Variants in ZFPM2 observed in about 807,000 individuals in gnomAD.
The protein encoded by ZFPM2 is zinc finger protein ZFPM2.
ZFPM2 carries 20 observed loss-of-function variants against 98.6 expected under a neutral mutation model. The ratio of observed to expected loss-of-function variants is 0.20; its 90% CI spans 0.14 to 0.29. The LOEUF is 0.29. ZFPM2 is among the 10% of genes least tolerant of loss of function. The pLI is 1.00. For missense variants in ZFPM2, 1,310 were observed against 1,388.6 expected (o/e 0.94, Z 0.90); for synonymous variants, 518 against 502.7 (o/e 1.03, Z -0.41).
intron 3 of ZFPM2, among the ~76,000 whole-genome samples, chr8:105,539,108 T>G (rs1814522702): frequency 6.6e-6 from 1 of 152,170 alleles, no homozygotes; most frequent in Admixed American, 6.6e-5. Flanking sequence ...TTGCCCCTTT[T>G]GTTTCAGAAG....
At chr8:105,393,330 C>CTGTCTGTCTTTT (rs1245789213) in intron 1 of ZFPM2, among the ~76,000 whole-genome samples, 5 of 132,834 alleles carry the variant, frequency 3.8e-5, no homozygotes, top group African/African-American at 1.5e-4. Context: ...CCCTCTCTCT[C>CTGTCTGTCTTTT]TCTTTGCCTT....
At chr8:105,321,610 C>A (rs1250871379) in intron 1 of ZFPM2, among the ~76,000 whole-genome samples, 1 of 150,726 alleles carries the variant, frequency 6.6e-6, no homozygotes, top group Admixed American at 6.6e-5. Context: ...TTTTTTTTTT[C>A]TTTTACTGCA....
At chr8:105,378,725 G>A (rs1810781481) in intron 1 of ZFPM2, among the ~76,000 whole-genome samples, 2 of 152,066 alleles carry the variant, frequency 1.3e-5, no homozygotes. Context: ...TACCGTGTAT[G>A]TTTTTAGGTT....
At chr8:105,400,640 A>C (rs529291902) in intron 1 of ZFPM2, among the ~76,000 whole-genome samples, 1 of 152,316 alleles carries the variant, frequency 6.6e-6, no homozygotes, top group East Asian at 1.9e-4. Context: ...CTTGGAATAT[A>C]TGCACTTTTG....
chr8:105,715,397 C>T (rs1811500266), intron 5 of ZFPM2, among the ~76,000 whole-genome samples: 1 of 138,220 alleles, frequency 7.2e-6, no homozygotes, highest in African/African-American at 2.7e-5. Flanking sequence ...TAGAGTGAGA[C>T]CCCATCTCTT....
intron 1 of ZFPM2, among the ~76,000 whole-genome samples, chr8:105,330,553 C>CGT (rs1554594961): frequency 7.6e-5 from 7 of 92,438 alleles, no homozygotes; most frequent in Admixed American, 1.3e-4. Context: ...TATATATATA[C>CGT]ATATATATAT....
chr8:105,525,648 G>A (rs556079938), intron 3 of ZFPM2, among the ~76,000 whole-genome samples: 96 of 152,238 alleles, frequency 6.3e-4, no homozygotes, highest in Non-Finnish European at 1.1e-3. Context: ...CATGTCCTCC[G>A]TAAGATTAAA....
chr8:105,676,448 T>A (rs1244319711), intron 5 of ZFPM2, among the ~76,000 whole-genome samples: 1 of 152,144 alleles, frequency 6.6e-6, no homozygotes, highest in Non-Finnish European at 1.5e-5. Flanking sequence ...AAAACTTCAG[T>A]TTTATTTAAA....
intron 3 of ZFPM2, among the ~76,000 whole-genome samples, chr8:105,449,050 T>C (rs969983546): frequency 2.6e-5 from 4 of 152,050 alleles, no homozygotes; most frequent in African/African-American, 7.2e-5. Flanking sequence ...AAATCTGTCA[T>C]CTACCTTTAT....
At chr8:105,516,583 C>G (rs1429617107) in intron 3 of ZFPM2, among the ~76,000 whole-genome samples, 2 of 152,120 alleles carry the variant, frequency 1.3e-5, no homozygotes, top group African/African-American at 4.8e-5. Flanking sequence ...AGGAAAAACA[C>G]ATTTCTGATG....
At chr8:105,584,551 C>G (rs1418610783) in intron 4 of ZFPM2, among the ~76,000 whole-genome samples, 3 of 152,182 alleles carry the variant, frequency 2.0e-5, no homozygotes, top group South Asian at 2.1e-4. Context: ...TCCCAACCCT[C>G]TATCTCCTAG....
chr8:105,782,633 T>C (rs1813283394), intron 5 of ZFPM2: 1 of 152,214 alleles, frequency 6.6e-6, no homozygotes, highest in Admixed American at 6.5e-5. Flanking sequence ...CTCAAGTACC[T>C]GATATAAAAC....
chr8:105,755,274 G>T (rs10098615), intron 5 of ZFPM2, among the ~76,000 whole-genome samples: 23,254 of 152,006 alleles, frequency 0.15, 2,913 homozygotes, highest in African/African-American at 0.34. Context: ...TCACCCTTAT[G>T]CAAGGAGAAT....
chr8:105,654,580 T>A (rs1422147999), intron 5 of ZFPM2, among the ~76,000 whole-genome samples: 1 of 152,158 alleles, frequency 6.6e-6, no homozygotes, highest in Non-Finnish European at 1.5e-5. Context: ...CTATCCTTTT[T>A]TTTTTTAAAA....
chr8:105,346,890 G>A (rs976143926), intron 1 of ZFPM2, among the ~76,000 whole-genome samples: 3 of 152,096 alleles, frequency 2.0e-5, no homozygotes, highest in African/African-American at 7.2e-5. Flanking sequence ...AATAGCTCTG[G>A]CACATTAGCA....
intron 1 of ZFPM2, among the ~76,000 whole-genome samples, chr8:105,324,750 T>C (rs1812085519): frequency 6.6e-6 from 1 of 151,986 alleles, no homozygotes; most frequent in African/African-American, 2.4e-5. Context: ...TATTCTACAT[T>C]CTGTAATTTA....
chr8:105,415,200 A>T (rs951311706), intron 1 of ZFPM2, among the ~76,000 whole-genome samples: 9 of 152,124 alleles, frequency 5.9e-5, no homozygotes, highest in African/African-American at 1.9e-4. Flanking sequence ...ATATGAGAAG[A>T]TGCTTACTCA....
At chr8:105,442,217 G>T (rs1484650852) in intron 2 of ZFPM2, among the ~76,000 whole-genome samples, 2 of 151,452 alleles carry the variant, frequency 1.3e-5, no homozygotes, top group Non-Finnish European at 2.9e-5. Flanking sequence ...GGTGGCAGGC[G>T]CCTGTAGTCC....
chr8:105,345,425 C>CTTTTTTTTTTT (rs10560485), intron 1 of ZFPM2, among the ~76,000 whole-genome samples: 1 of 98,352 alleles, frequency 1.0e-5, no homozygotes, highest in Non-Finnish European at 2.0e-5. Flanking sequence ...TCGTGATGTT[C>CTTTTTTTTTTT]TTTTTTTTTT....
Sources: gnomAD v4.1 joint callset for allele counts (sites outside exome capture counted in the v4.1 genomes callset) on GRCh38, gnomAD v4.1.1 for gene constraint, MANE v1.5 for transcripts, NCBI Gene and HGNC (gene_info 2026-07-23, HGNC 2026-07-21) for gene names.